The following R3HDM2 variants were observed in gnomAD, a reference collection of about 807,000 sequenced individuals.
R3HDM2 encodes the protein R3H domain-containing protein 2.
Under a neutral mutation model 124.5 loss-of-function variants are expected in R3HDM2, and 38 were observed. The ratio of observed to expected loss-of-function variants is 0.31; its 90% CI spans 0.24 to 0.40. The LOEUF (loss-of-function observed/expected upper bound fraction) is 0.40, where lower values mean the gene tolerates loss of function less well. Among genes scored for constraint, R3HDM2 ranks in the 10% least tolerant of loss-of-function variants. The probability of loss-of-function intolerance (pLI) is 1.00; values close to 1 mark genes in which losing one functional copy is unlikely to be tolerated. For missense variants in R3HDM2, 869 were observed against 1,236.9 expected (o/e 0.70, Z 4.46); for synonymous variants, 391 against 448.0 (o/e 0.87, Z 1.61).
At chr12:57,280,301 A>C in intron 14 of R3HDM2, 57 bp downstream of exon 14, 1 of 1,536,016 alleles carries the variant, frequency 6.5e-7, no homozygotes, top group Non-Finnish European at 8.8e-7. Context: ...ATGACGGTAC[A>C]TCTAAAGTTT....
In R3HDM2 at chr12:57,254,560, C is replaced by A; in HGVS notation, c.*213G>T. On this transcript the variant is annotated 3_prime_UTR_variant, in exon 24 of 24. Coordinates refer to ENST00000402412, the MANE Select transcript of R3HDM2 (RefSeq NM_001394031.1). Reference sequence around the variant, plus strand: ...GGAAGAAGAGTGATGCAAGGGGGGTCAACCAGGGAAAAAGAGAGGACCCAT... The same window carrying A: ...GGAAGAAGAGTGATGCAAGGGGGGTAAACCAGGGAAAAAGAGAGGACCCAT... The A allele has an allele frequency of 2.0e-6, 1 of 489,540 alleles. No individual in the cohort carries two copies. Among genetic ancestry groups the A allele is most frequent in the Non-Finnish European group, 3.5e-6 (1 of 282,376 alleles). 30.3% of individuals were successfully genotyped at this position (489,540 alleles called of 1,614,324 possible).
At chr12:57,355,195 TG>T (rs2061125759) in intron 2 of R3HDM2, among the ~76,000 whole-genome samples, 2 of 151,450 alleles carry the variant, frequency 1.3e-5, no homozygotes, top group African/African-American at 4.8e-5. Flanking sequence ...CGGTGGCTCA[TG>T]CCTGTAATCC....
At chr12:57,412,820 A>G (rs2069128844) in intron 1 of R3HDM2, among the ~76,000 whole-genome samples, 1 of 152,010 alleles carries the variant, frequency 6.6e-6, no homozygotes. Flanking sequence ...CCTGGCCAAC[A>G]TGGTGAAACC....
intron 1 of R3HDM2, among the ~76,000 whole-genome samples, chr12:57,422,958 C>A (rs1056167334): frequency 7.2e-5 from 11 of 151,794 alleles, no homozygotes; most frequent in African/African-American, 2.7e-4. Flanking sequence ...CAGAGCAAGA[C>A]CCTGTGTCAA....
chr12:57,258,743 GAGGATGCTGTCTACTTCCT>G, intron 20 of R3HDM2, 128 bp downstream of exon 20: 4 of 698,542 alleles, frequency 5.7e-6, no homozygotes, highest in Non-Finnish European at 6.5e-6. Context: ...TTCCTTAAAA[GAGGATGCTGTCTACTTCCT>G]GTGTTTCTCC....
At chr12:57,317,279 T>G (rs935814403) in intron 2 of R3HDM2, among the ~76,000 whole-genome samples, 4 of 151,300 alleles carry the variant, frequency 2.6e-5, no homozygotes, top group African/African-American at 9.7e-5. Flanking sequence ...CACAGCTCAC[T>G]GCAGCCTCAA....
Position 57,337,881 on chromosome 12 carries a change from C to T in R3HDM2, c.-35-27418G>A, listed in dbSNP as rs139288321. ...TTCCAAACACTATGTCCAGGTTATA[C>T]AGGTCATCACAATTATTTGAATTTA... On this transcript the variant is annotated intron_variant, in intron 2 of 23. Transcript: ENST00000402412. 2.6e-5 allele frequency among the ~76,000 whole-genome samples: 4 copies of T among 152,326 alleles called. No homozygotes were observed. The East Asian group carries it at 5.8e-4, about 22-fold the overall frequency.
In R3HDM2 at chr12:57,371,083, CTTTTTTTTTTTTTT is replaced by C. The variant is rs775839017; in HGVS notation, c.-36+24652_-36+24665del. Among the ~76,000 whole-genome samples the C allele has an allele frequency of 1.4e-3, 59 of 40,898 alleles. 1 individual carries two copies. The highest frequency in any genetic ancestry group is 4.3e-3 in the African/African-American group (50 of 11,694). The allele number at this position is 40,898 out of a possible 152,430, so 26.8% of individuals were successfully genotyped here. On this transcript the variant is annotated intron_variant, in intron 2 of 23. Coordinates refer to ENST00000402412, the MANE Select transcript of R3HDM2 (RefSeq NM_001394031.1). ...AATGGGAACCAAATATATACCATTA[CTTTTTTTTTTTTTT>C]TTTTTTTTTTTTTTTTAAGATACAC...
intron 1 of R3HDM2, among the ~76,000 whole-genome samples, chr12:57,427,544 T>C (rs1175581543): frequency 6.6e-6 from 1 of 150,780 alleles, no homozygotes; most frequent in South Asian, 2.1e-4. Context: ...GAGATGGGGT[T>C]TCACCATGTT....
chr12:57,374,260 A>C (rs2063741165), intron 2 of R3HDM2, among the ~76,000 whole-genome samples: 1 of 152,146 alleles, frequency 6.6e-6, no homozygotes, highest in Admixed American at 6.6e-5. Flanking sequence ...TCGAGATTAC[A>C]GGGACCCGTG....
At chr12:57,408,112 G>A (rs2068692264) in intron 1 of R3HDM2, among the ~76,000 whole-genome samples, 1 of 152,058 alleles carries the variant, frequency 6.6e-6, no homozygotes, top group African/African-American at 2.4e-5. Flanking sequence ...ATTATTTTAG[G>A]AAGAAACAAG....
chr12:57,276,078 G>A (rs372336839), intron 14 of R3HDM2, among the ~76,000 whole-genome samples: 48 of 152,014 alleles, frequency 3.2e-4, no homozygotes, highest in African/African-American at 1.1e-3. Flanking sequence ...TTAGCTGGGC[G>A]TGGTGGCGGT....
At chr12:57,413,428 TAAAA>T (rs748462019) in intron 1 of R3HDM2, among the ~76,000 whole-genome samples, 1 of 106,508 alleles carries the variant, frequency 9.4e-6, no homozygotes, top group African/African-American at 3.5e-5. Flanking sequence ...ACCTTCTATT[TAAAA>T]AAAAAAAAAA....
At chr12:57,354,953 T>C (rs1419467229) in intron 2 of R3HDM2, among the ~76,000 whole-genome samples, 1 of 151,800 alleles carries the variant, frequency 6.6e-6, no homozygotes, top group Admixed American at 6.6e-5. Context: ...GCCTCCTGAG[T>C]AGCTGGGATT....
At chr12:57,376,888 T>C (rs897801880) in intron 2 of R3HDM2, among the ~76,000 whole-genome samples, 4 of 151,766 alleles carry the variant, frequency 2.6e-5, no homozygotes, top group Non-Finnish European at 5.9e-5. Flanking sequence ...GAGGCGGCGG[T>C]TGCAATGAGC....
intron 20 of R3HDM2, 108 bp downstream of exon 20, chr12:57,258,782 A>C: frequency 9.3e-7 from 1 of 1,079,254 alleles, no homozygotes; most frequent in Non-Finnish European, 1.3e-6. Flanking sequence ...CCCAGAAAGT[A>C]CCCAGGAAAA....
intron 4 of R3HDM2, among the ~76,000 whole-genome samples, chr12:57,300,799 GTCTAAGAAA>G: frequency 6.6e-6 from 1 of 152,242 alleles, no homozygotes; most frequent in Middle Eastern, 3.4e-3. Flanking sequence ...GGAAAGAAGT[GTCTAAGAAA>G]AGAGTAAGAG....
intron 11 of R3HDM2, among the ~76,000 whole-genome samples, chr12:57,291,970 G>A (rs988233805): frequency 2.0e-5 from 3 of 152,220 alleles, no homozygotes; most frequent in African/African-American, 7.2e-5. Context: ...AGCCCTAGGA[G>A]CTAGTCCTGT....
intron 7 of R3HDM2, among the ~76,000 whole-genome samples, 172 bp from the exon 8 acceptor site, chr12:57,297,559 A>G (rs2050155877): frequency 6.6e-6 from 1 of 152,204 alleles, no homozygotes; most frequent in Non-Finnish European, 1.5e-5. Context: ...CTGTTTTACA[A>G]TATTTTTAAA....
Sources: allele counts gnomAD v4.1 joint callset (sites outside exome capture counted in the v4.1 genomes callset), GRCh38; gene constraint gnomAD v4.1.1; transcripts MANE v1.5; gene names NCBI Gene and HGNC (gene_info 2026-07-23, HGNC 2026-07-21).